Variants in BOC observed in about 807,000 individuals in gnomAD.
The protein encoded by BOC is BOC cell adhesion associated, oncogene regulated, also known as brother of CDO.
Under a neutral mutation model 112.0 loss-of-function variants are expected in BOC, and 76 were observed. That is an observed-to-expected ratio of 0.68 (90% CI 0.56 to 0.82). The LOEUF (loss-of-function observed/expected upper bound fraction) is 0.82. Among genes scored for constraint, BOC ranks in the 40% least tolerant of loss-of-function variants. BOC has a pLI of 0.00. For synonymous variants in BOC, 580 were observed against 599.8 expected (o/e 0.97, Z 0.48); for missense variants, 1,309 against 1,511.7 (o/e 0.87, Z 2.22).
At chr3:113,251,940 T>C (rs1667295762) in intron 4 of BOC, 1 of 152,248 alleles carries the variant, frequency 6.6e-6, no homozygotes, top group South Asian at 2.1e-4. Context: ...ATTATACTTA[T>C]TCTACCTTAT....
intron 4 of BOC, chr3:113,251,142 C>T: frequency 1.8e-6 from 1 of 566,160 alleles, no homozygotes; most frequent in East Asian, 2.9e-5. Flanking sequence ...AGGGCCGTGC[C>T]GTGCCTTCCT....
intron 4 of BOC, chr3:113,261,636 G>A (rs999367): frequency 0.44 from 66,365 of 152,068 alleles, 16,769 homozygotes; most frequent in African/African-American, 0.68. Context: ...TAAAAATGAA[G>A]TATTTTTAAT....
chr3:113,280,723 G>A, intron 14 of BOC, 60 bp downstream of exon 14: 2 of 1,363,728 alleles, frequency 1.5e-6, no homozygotes, highest in South Asian at 1.2e-5. Context: ...GCTGGCATGG[G>A]GGACAAGGTA....
Position 113,278,967 on chromosome 3 carries a change from A to T in BOC, c.1816+184A>T. The stretch of plus-strand genomic sequence containing the variant: ...ATAAAAGGCTGGCATTGATGCTGGG[A>T]TTGCTCACTGGGTGCATCCAGAGAG... On this transcript the variant is annotated intron_variant, in intron 11 of 19. Transcript: ENST00000682979. This position sits in a 1 kb window ranked among gnomAD's most constrained non-coding sequence, Gnocchi z 4.2. 3.0e-6 allele frequency: 2 copies of T among 656,372 alleles called. No individual in the cohort carries two copies. Among genetic ancestry groups the T allele is most frequent in the South Asian group, 3.8e-5 (2 of 52,216 alleles). The allele number at this position is 656,372 out of a possible 1,614,324, so 40.7% of individuals were successfully genotyped here.
chr3:113,218,421 CTCTG>C (rs1939907223), intron 2 of BOC, among the ~76,000 whole-genome samples: 2 of 152,332 alleles, frequency 1.3e-5, no homozygotes, highest in South Asian at 4.1e-4. Flanking sequence ...GCAGAGGCTG[CTCTG>C]TCTTTCTGTT....
intron 4 of BOC, among the ~76,000 whole-genome samples, chr3:113,262,989 C>T (rs1947058700): frequency 6.6e-6 from 1 of 152,220 alleles, no homozygotes; most frequent in African/African-American, 2.4e-5. Flanking sequence ...TCTCCTGCAC[C>T]TCGGGTGTCT....
intron 4 of BOC, among the ~76,000 whole-genome samples, chr3:113,258,565 T>G (rs1041306735): frequency 2.6e-5 from 4 of 152,230 alleles, no homozygotes; most frequent in African/African-American, 9.6e-5. Flanking sequence ...GAAAAACATT[T>G]ATGTGTTGGC....
intron 13 of BOC, 61 bp from the exon 14 acceptor site, chr3:113,280,497 T>G (rs1028168840): frequency 8.2e-6 from 10 of 1,221,776 alleles, no homozygotes; most frequent in Middle Eastern, 1.9e-4. Flanking sequence ...ACACCAGTGG[T>G]TTTGCTTTGA....
At position 113,259,516 on chromosome 3, in the gene BOC, G is replaced by T. The variant is rs150524389; in HGVS notation, c.376+8683G>T. Among the ~76,000 whole-genome samples the T allele has an allele frequency of 2.2e-3, 335 of 152,250 alleles. 1 individual carries two copies. Among genetic ancestry groups the T allele is most frequent in the African/African-American group, 6.8e-3 (284 of 41,534 alleles). On this transcript the variant is annotated intron_variant, in intron 4 of 19. Coordinates refer to ENST00000682979, the MANE Select transcript of BOC (RefSeq NM_001378074.1). ...AAACCAAGAGAGCAAATGAGTCCTT[G>T]GTTCCCTCATTTTTTAAAAACAGCT...
At chr3:113,235,418 CAG>C (rs1943293345) in intron 2 of BOC, among the ~76,000 whole-genome samples, 1 of 152,054 alleles carries the variant, frequency 6.6e-6, no homozygotes, top group Non-Finnish European at 1.5e-5. Flanking sequence ...AGTGGGAGTC[CAG>C]GAGGGATTAT....
Position 113,250,601 on chromosome 3 carries a change from G to T in BOC, c.144G>T (p.Lys48Asn), listed in dbSNP as rs756244295. The part of the protein sequence containing the change: ...VTVQPASTVQ[K>N]PGGTVILGCV... ...TCCAGCCTGCGTCCACCGTCCAGAA[G>T]CCCGGAGGCACTGTGATCTTGGGCT... Residue 48 changes from lysine to asparagine, a missense_variant, in exon 4 of 20, where the codon AAG becomes AAT. Coordinates refer to ENST00000682979, the MANE Select transcript of BOC (RefSeq NM_001378074.1). 25 of 1,614,062 alleles carry T rather than the reference G, an allele frequency of 1.5e-5. No homozygotes were observed. Among genetic ancestry groups the T allele is most frequent in the Non-Finnish European group, 1.9e-5 (23 of 1,180,032 alleles).
At position 113,283,459 on chromosome 3, in the gene BOC, C is replaced by A; in HGVS notation, c.2483C>A (p.Ala828Asp). 6.2e-7 allele frequency: 1 copy of A among 1,613,480 alleles called. No homozygotes were observed. The highest frequency in any genetic ancestry group is 8.5e-7 in the Non-Finnish European group (1 of 1,179,482). The change falls in exon 16 of 20, where the codon GCC becomes GAC. Residue 828 changes from alanine to aspartate, a missense_variant. By Grantham distance (126) the Ala-to-Asp change is moderately radical. Transcript: ENST00000682979. ...GGTCGACTGCCACCCCCAACTCTGGCCCCACCACAGCCGCCCCTTCCTGAA... is the reference window on the plus strand; with the variant it reads ...GGTCGACTGCCACCCCCAACTCTGGACCCACCACAGCCGCCCCTTCCTGAA... Reference protein sequence around the residue: ...QPGRLPPPTLAPPQPPLPETI... With the variant: ...QPGRLPPPTLDPPQPPLPETI...
In BOC at chr3:113,286,704, G is replaced by C; in HGVS notation, c.3190G>C (p.Val1064Leu). The change falls in exon 20 of 20, where the codon GTT (valine) becomes CTT (leucine). Residue 1064 changes from valine (V) to leucine (L), a missense_variant. By Grantham distance (32) the Val-to-Leu change is conservative. Coordinates refer to ENST00000682979, the MANE Select transcript of BOC (RefSeq NM_001378074.1). Reference sequence around the variant, plus strand: ...CCCATGCTGCTTGGGCCTTGTGCCAGTTGAAGAGGTGGACAGTCCTGACTC... The same window carrying C: ...CCCATGCTGCTTGGGCCTTGTGCCACTTGAAGAGGTGGACAGTCCTGACTC... ...GPPCCLGLVPVEEVDSPDSCQ... is the reference protein window; with the variant it reads ...GPPCCLGLVPLEEVDSPDSCQ... The C allele has an allele frequency of 6.2e-7, 1 of 1,604,432 alleles. No individual in the cohort carries two copies. The highest frequency in any genetic ancestry group is 8.5e-7 in the Non-Finnish European group (1 of 1,175,872).
rs1024245134 is a variant in BOC, at chr3:113,283,578, C to A, written c.2602C>A (p.Leu868Ile). ...IVGVVLGSIV[L>I]IIVTFIPFCL... ...CGGGGTCGTCCTGGGCTCCATCGTT[C>A]TCATCATCGTCACCTTCATCCCCTT... Residue 868 changes from leucine to isoleucine, a missense_variant, in exon 16 of 20, where the codon CTC (leucine) becomes ATC (isoleucine). Transcript: ENST00000682979. The A allele has an allele frequency of 5.0e-6, 8 of 1,613,874 alleles. No homozygotes were observed. Among genetic ancestry groups the A allele is most frequent in the South Asian group, 1.1e-5 (1 of 91,050 alleles).
intron 2 of BOC, among the ~76,000 whole-genome samples, chr3:113,233,879 G>A (rs1453475370): frequency 6.6e-6 from 1 of 151,016 alleles, no homozygotes; most frequent in Non-Finnish European, 1.5e-5. Context: ...ACCACGGCGG[G>A]CTCCCAAACC....
rs1469714305 is a variant in BOC at position 113,284,327 on chromosome 3, C to G, written c.2657-8C>G. ...CCTAAGCACACCTTTATTTTTCTGT[C>G]CTTCCAGAACATACAACAGACCTGG... is the stretch of plus-strand genomic sequence containing the variant. On this transcript the variant is annotated splice_polypyrimidine_tract_variant and splice_region_variant and intron_variant, in intron 16 of 19. Coordinates refer to ENST00000682979, the MANE Select transcript of BOC (RefSeq NM_001378074.1). 1 of 1,610,298 alleles carries G rather than the reference C, an allele frequency of 6.2e-7. No homozygotes were observed. Among genetic ancestry groups the G allele is most frequent in the Non-Finnish European group, 8.5e-7 (1 of 1,176,730 alleles).
chr3:113,243,872 A>G (rs1200577039), intron 2 of BOC, among the ~76,000 whole-genome samples: 2 of 152,242 alleles, frequency 1.3e-5, no homozygotes, highest in Non-Finnish European at 2.9e-5. Flanking sequence ...AAAGTATTAA[A>G]GAATGCTAAA....
At chr3:113,218,627 A>T (rs1939949633) in intron 2 of BOC, among the ~76,000 whole-genome samples, 1 of 152,228 alleles carries the variant, frequency 6.6e-6, no homozygotes, top group Admixed American at 6.5e-5. Context: ...TTTTGTAGTG[A>T]ACAAGTTATA....
At chr3:113,246,735 G>A (rs1048758702) in intron 2 of BOC, among the ~76,000 whole-genome samples, 23 of 152,116 alleles carry the variant, frequency 1.5e-4, no homozygotes, top group Admixed American at 5.2e-4. Flanking sequence ...GAGACCCCAC[G>A]CATCCTGTTT....
Sources: gnomAD v4.1 joint callset for allele counts (sites outside exome capture counted in the v4.1 genomes callset) on GRCh38, gnomAD v4.1.1 for gene constraint, Gnocchi (gnomAD v3.1) non-coding constraint, MANE v1.5 for transcripts, NCBI Gene and HGNC (gene_info 2026-07-23, HGNC 2026-07-21) for gene names.